The following RPS6KA5 variants were observed in gnomAD, a reference collection of about 807,000 sequenced individuals.
RPS6KA5 encodes ribosomal protein S6 kinase A5.
RPS6KA5 carries 27 observed loss-of-function variants against 85.5 expected under a neutral mutation model. The ratio of observed to expected loss-of-function variants is 0.32; its 90% CI spans 0.23 to 0.44. RPS6KA5 has a LOEUF of 0.44. Ranked by LOEUF, RPS6KA5 falls within the 20% of genes least tolerant of loss-of-function variation. RPS6KA5 has a pLI of 1.00. For missense variants in RPS6KA5, 811 were observed against 980.9 expected, an observed-to-expected ratio of 0.83 and a Z score of 2.31; for synonymous variants, 334 against 348.2, an observed-to-expected ratio of 0.96 and a Z score of 0.46.
chr14:90,915,814 A>T (rs1201796345), intron 7 of RPS6KA5, among the ~76,000 whole-genome samples: 4 of 151,730 alleles, frequency 2.6e-5, no homozygotes, highest in South Asian at 2.1e-4. Context: ...CAACATTAAA[A>T]AAATAAATAA....
intron 8 of RPS6KA5, among the ~76,000 whole-genome samples, chr14:90,903,769 G>C (rs2035323968): frequency 1.3e-5 from 2 of 152,062 alleles, no homozygotes; most frequent in Non-Finnish European, 2.9e-5. Flanking sequence ...AATCTAAGAT[G>C]CCATTACTGA....
At chr14:90,936,579 C>A (rs1373650124) in intron 5 of RPS6KA5, among the ~76,000 whole-genome samples, 1 of 151,842 alleles carries the variant, frequency 6.6e-6, no homozygotes, top group Non-Finnish European at 1.5e-5. Flanking sequence ...AAACAAAAAA[C>A]CCAGAAATAA....
At chr14:91,034,588 T>C (rs906136849) in intron 1 of RPS6KA5, among the ~76,000 whole-genome samples, 3 of 152,178 alleles carry the variant, frequency 2.0e-5, no homozygotes, top group Admixed American at 1.3e-4. Context: ...CTCTGTAAAA[T>C]GGACCAATCA....
At chr14:90,908,444 G>A (rs1007535401) in intron 7 of RPS6KA5, among the ~76,000 whole-genome samples, 1 of 152,184 alleles carries the variant, frequency 6.6e-6, no homozygotes, top group Non-Finnish European at 1.5e-5. Context: ...GACCCTAGCA[G>A]GTGATGAGGA....
rs2032708766 is a variant in RPS6KA5 at position 90,864,337 on chromosome 14, A to C, written c.*7737T>G. 1 of 152,146 alleles carries C rather than the reference A, an allele frequency of 6.6e-6. No individual in the cohort carries two copies. The highest frequency in any genetic ancestry group is 1.5e-5 in the Non-Finnish European group (1 of 68,064). 9.4% of individuals were successfully genotyped at this position (152,146 alleles called of 1,614,324 possible). A position where few individuals can be genotyped will look rare whatever the true frequency, so the allele number is the denominator to read the frequency against. On this transcript the variant is annotated 3_prime_UTR_variant, in exon 17 of 17. Coordinates refer to ENST00000614987, the MANE Select transcript of RPS6KA5 (RefSeq NM_004755.4). ...ATACTTTTAGTAGAGATGGGGTTTC[A>C]CCATGTTGGCCAGGCTGGTCTCCAA... is the stretch of plus-strand genomic sequence containing the variant.
Position 90,860,634 on chromosome 14 carries a change from T to C in RPS6KA5, c.*11440A>G, listed in dbSNP as rs2032495243. 6.6e-6 allele frequency: 1 copy of C among 152,068 alleles called. No homozygotes were observed. The highest frequency in any genetic ancestry group is 2.4e-5 in the African/African-American group (1 of 41,388). 9.4% of individuals were successfully genotyped at this position (152,068 alleles called of 1,614,324 possible). On this transcript the variant is annotated 3_prime_UTR_variant, in exon 17 of 17. Transcript: ENST00000614987. ...ATTGAATTGTATCTGAATGGAATGA[T>C]TAGATGGGTATATTACATGATACAT...
chr14:91,046,133 G>A (rs1477519020), intron 1 of RPS6KA5, among the ~76,000 whole-genome samples: 9 of 152,008 alleles, frequency 5.9e-5, no homozygotes, highest in Non-Finnish European at 1.2e-4. Context: ...GCAATCATAG[G>A]GTTAGTTATT....
chr14:91,049,588 C>T (rs912454072), intron 1 of RPS6KA5, among the ~76,000 whole-genome samples: 2 of 151,958 alleles, frequency 1.3e-5, no homozygotes, highest in African/African-American at 2.4e-5. Flanking sequence ...GTATTCCAGC[C>T]TGGGCGACAG....
At position 90,890,662 on chromosome 14, in the gene RPS6KA5, T is replaced by A; in HGVS notation, c.1661A>T (p.Asp554Val). 4 of 1,613,794 alleles carry A rather than the reference T, an allele frequency of 2.5e-6. No individual in the cohort carries two copies. Among genetic ancestry groups the A allele is most frequent in the Non-Finnish European group, 3.4e-6 (4 of 1,179,806 alleles). ...DLKPENLLFT[D>V]ENDNLEIKII... The stretch of plus-strand genomic sequence containing the variant: ...TTTAATTTCCAAATTGTCATTTTCA[T>A]CGGTGAACAATAAATTCTGCAAGAT... The change falls in exon 14 of 17, where the codon GAT becomes GTT. Residue 554 changes from aspartate (D) to valine (V), a missense_variant. Physicochemically the swap from Asp to Val is radical, Grantham distance 152. Around this residue, in one of 3 missense-constraint regions of RPS6KA5, gnomAD observed 650 missense variants for 793.4 expected, o/e 0.82. Coordinates refer to ENST00000614987, the MANE Select transcript of RPS6KA5 (RefSeq NM_004755.4).
chr14:90,971,936 T>C (rs2039340448), intron 3 of RPS6KA5, among the ~76,000 whole-genome samples: 1 of 152,146 alleles, frequency 6.6e-6, no homozygotes, highest in Non-Finnish European at 1.5e-5. Flanking sequence ...GAAAATGTAG[T>C]AAGATAGCAG....
chr14:90,960,549 C>T (rs1356244814), intron 3 of RPS6KA5, among the ~76,000 whole-genome samples: 1 of 152,094 alleles, frequency 6.6e-6, no homozygotes, highest in Admixed American at 6.5e-5. Context: ...GCTTTTAGAT[C>T]CCCAGCCCCT....
At chr14:91,024,925 A>G in intron 1 of RPS6KA5, among the ~76,000 whole-genome samples, 1 of 151,910 alleles carries the variant, frequency 6.6e-6, no homozygotes, top group Non-Finnish European at 1.5e-5. Flanking sequence ...TCTGTCACCC[A>G]GGCTGGAGTG....
chr14:91,003,120 A>T (rs974411776), intron 1 of RPS6KA5, among the ~76,000 whole-genome samples: 2 of 152,142 alleles, frequency 1.3e-5, no homozygotes, highest in Admixed American at 6.5e-5. Context: ...AAAGCTTAAG[A>T]GATTATTAAA....
chr14:91,037,957 C>T (rs1566894265), intron 1 of RPS6KA5, among the ~76,000 whole-genome samples: 1 of 152,158 alleles, frequency 6.6e-6, no homozygotes, highest in Non-Finnish European at 1.5e-5. Context: ...GAAAAACATC[C>T]CTGATTAGGC....
intron 15 of RPS6KA5, 143 bp from the exon 16 acceptor site, chr14:90,873,938 C>T: frequency 1.6e-6 from 1 of 618,032 alleles, no homozygotes; most frequent in Non-Finnish European, 2.6e-6. Flanking sequence ...ATTAGATTTT[C>T]CTATTCATTT....
chr14:90,848,267 T>C lies in RPS6KA5; in HGVS notation c.*23807A>G, dbSNP rs893123851. The C allele has an allele frequency of 4.6e-5, 7 of 152,242 alleles. No homozygotes were observed. The highest frequency in any genetic ancestry group is 7.3e-5 in the Non-Finnish European group (5 of 68,042). 9.4% of individuals were successfully genotyped at this position (152,242 alleles called of 1,614,324 possible). On this transcript the variant is annotated 3_prime_UTR_variant, in exon 17 of 17. Coordinates refer to ENST00000614987, the MANE Select transcript of RPS6KA5 (RefSeq NM_004755.4). The stretch of plus-strand genomic sequence containing the variant: ...AATCAAAGGCAGTACCAGTTATCGC[T>C]ATAATAAAGCACTCAAAGAACATCG...
chr14:90,873,423 G>C (rs928403214), intron 16 of RPS6KA5, among the ~76,000 whole-genome samples: 1 of 152,078 alleles, frequency 6.6e-6, no homozygotes, highest in Non-Finnish European at 1.5e-5. Context: ...TGTATTTTGT[G>C]GGTTAGCAGT....
At chr14:91,023,294 CTT>C (rs919697162) in intron 1 of RPS6KA5, among the ~76,000 whole-genome samples, 1 of 143,734 alleles carries the variant, frequency 7.0e-6, no homozygotes, top group Admixed American at 7.0e-5. Context: ...CAAATTTTTT[CTT>C]TTTTTTTTTG....
chr14:90,996,675 TTAC>T (rs1234285824), intron 2 of RPS6KA5, among the ~76,000 whole-genome samples: 4 of 152,296 alleles, frequency 2.6e-5, no homozygotes, highest in East Asian at 1.9e-4. Context: ...ACTAATATTT[TTAC>T]TACGTTTTGC....
Sources: allele counts gnomAD v4.1 joint callset (sites outside exome capture counted in the v4.1 genomes callset), GRCh38; gene constraint gnomAD v4.1.1; regional missense constraint gnomAD v4.1.1; transcripts MANE v1.5; gene names NCBI Gene and HGNC (gene_info 2026-07-23, HGNC 2026-07-21).